Variants in TUBGCP3 observed in about 807,000 individuals in gnomAD.
TUBGCP3 encodes the protein gamma-tubulin complex component 3.
A neutral mutation model predicts 123.1 loss-of-function variants in TUBGCP3; 50 were observed. The observed-to-expected ratio is 0.41, with a 90% CI of 0.32 to 0.51. The LOEUF (loss-of-function observed/expected upper bound fraction) is 0.51, where lower values mean the gene tolerates loss of function less well. Ranked by LOEUF, TUBGCP3 falls within the 20% of genes least tolerant of loss-of-function variation. The pLI, the probability that TUBGCP3 is intolerant of heterozygous loss-of-function variation, is 0.36. For synonymous variants in TUBGCP3, 405 were observed against 413.9 expected (o/e 0.98, Z 0.26); for missense variants, 882 against 1,127.0 (o/e 0.78, Z 3.11).
intron 1 of TUBGCP3, among the ~76,000 whole-genome samples, chr13:112,584,539 T>C (rs983904565): frequency 6.6e-5 from 10 of 152,324 alleles, no homozygotes; most frequent in African/African-American, 1.9e-4. Context: ...ATGAAACCAA[T>C]AGCAACACCA....
At chr13:112,538,331 C>T (rs1173390803) in intron 11 of TUBGCP3, among the ~76,000 whole-genome samples, 1 of 152,162 alleles carries the variant, frequency 6.6e-6, no homozygotes, top group Admixed American at 6.5e-5. Context: ...ACTTCCGGTC[C>T]CAAGCATTTT....
intron 10 of TUBGCP3, 167 bp downstream of exon 10, chr13:112,547,453 C>T: frequency 8.5e-7 from 1 of 1,182,054 alleles, no homozygotes; most frequent in Non-Finnish European, 1.1e-6. Context: ...CAAAAGCAAG[C>T]CTGGATGGCG....
intron 16 of TUBGCP3, among the ~76,000 whole-genome samples, chr13:112,517,520 T>C (rs1285958595): frequency 6.6e-6 from 1 of 152,244 alleles, no homozygotes; most frequent in African/African-American, 2.4e-5. Context: ...ATCTGTACTA[T>C]GGTATCTTTT....
chr13:112,519,863 C>A lies in TUBGCP3; in HGVS notation c.1881+23G>T. ...GGGTCCTCGGTGCCGGGGCGGCGTTCCCAACACGCAGAGCCGCAGTACCTC... is the reference window on the plus strand; with the variant it reads ...GGGTCCTCGGTGCCGGGGCGGCGTTACCAACACGCAGAGCCGCAGTACCTC... On this transcript the variant is annotated intron_variant, in intron 15 of 21. Transcript: ENST00000261965. The surrounding 1 kb of genome is among the most constrained non-coding windows in gnomAD (Gnocchi z 6.2). The A allele has an allele frequency of 6.2e-7, 1 of 1,606,600 alleles. No individual in the cohort carries two copies. The highest frequency in any genetic ancestry group is 1.1e-5 in the South Asian group (1 of 90,450).
intron 1 of TUBGCP3, among the ~76,000 whole-genome samples, chr13:112,572,335 G>A (rs766938174): frequency 3.9e-5 from 6 of 152,162 alleles, no homozygotes; most frequent in Non-Finnish European, 7.3e-5. Context: ...ACAGGTACAC[G>A]TGTGGCAGGT....
At chr13:112,499,450 G>A (rs987756723) in intron 19 of TUBGCP3, among the ~76,000 whole-genome samples, 3 of 152,140 alleles carry the variant, frequency 2.0e-5, no homozygotes, top group African/African-American at 4.8e-5. Context: ...TCCCACGGCG[G>A]GCCAGGAGCT....
At chr13:112,573,841 G>A (rs1376290616) in intron 1 of TUBGCP3, among the ~76,000 whole-genome samples, 2 of 152,122 alleles carry the variant, frequency 1.3e-5, no homozygotes, top group Non-Finnish European at 2.9e-5. Flanking sequence ...AGTTCAACCC[G>A]GGATGCAGAG....
intron 11 of TUBGCP3, among the ~76,000 whole-genome samples, chr13:112,533,936 A>C (rs1877809952): frequency 6.6e-6 from 1 of 151,706 alleles, no homozygotes; most frequent in Non-Finnish European, 1.5e-5. Context: ...CACTGCACCC[A>C]ATTTGTAGTC....
intron 1 of TUBGCP3, among the ~76,000 whole-genome samples, chr13:112,576,743 T>C (rs992320053): frequency 6.6e-6 from 1 of 151,946 alleles, no homozygotes; most frequent in Non-Finnish European, 1.5e-5. Context: ...TATCAAAATA[T>C]GTGAGATGTG....
At chr13:112,500,181 C>CG (rs1187693690) in intron 19 of TUBGCP3, among the ~76,000 whole-genome samples, 3 of 152,208 alleles carry the variant, frequency 2.0e-5, no homozygotes, top group Admixed American at 1.3e-4. Context: ...GAGGGCTGAG[C>CG]GGGGGTTAAT....
intron 20 of TUBGCP3, 54 bp from the exon 21 acceptor site, chr13:112,489,751 C>T: frequency 6.9e-7 from 1 of 1,459,542 alleles, no homozygotes; most frequent in Non-Finnish European, 9.6e-7. Context: ...AAACAGATTA[C>T]AGAGTAGGGC....
rs988238024 is a variant in TUBGCP3, at chr13:112,545,217, A to G, written c.1335+482T>C. 3.2e-5 allele frequency: 5 copies of G among 156,156 alleles called. No individual in the cohort carries two copies. Among genetic ancestry groups the G allele is most frequent in the African/African-American group, 1.2e-4 (5 of 41,552 alleles). The allele number at this position is 156,156 out of a possible 1,614,324, so 9.7% of individuals were successfully genotyped here. A position where few individuals can be genotyped will look rare whatever the true frequency, so the allele number is the denominator to read the frequency against. Reference sequence around the variant, plus strand: ...CCTACCTTCCACCAAAAGCCCTATCATTTCTATCATGTGATTTACACAACA... The same window carrying G: ...CCTACCTTCCACCAAAAGCCCTATCGTTTCTATCATGTGATTTACACAACA... On this transcript the variant is annotated intron_variant, in intron 11 of 21. Coordinates refer to ENST00000261965, the MANE Select transcript of TUBGCP3 (RefSeq NM_006322.6). The surrounding 1 kb of genome is among the most constrained non-coding windows in gnomAD (Gnocchi z 4.1).
At chr13:112,506,849 C>T (rs561535741) in intron 17 of TUBGCP3, among the ~76,000 whole-genome samples, 2 of 152,290 alleles carry the variant, frequency 1.3e-5, no homozygotes, top group South Asian at 2.1e-4. Flanking sequence ...GTTATGGTTT[C>T]GGTGAGATTC....
chr13:112,521,732 G>A, intron 14 of TUBGCP3: 1 of 985,402 alleles, frequency 1.0e-6, no homozygotes, highest in Non-Finnish European at 1.2e-6. Flanking sequence ...AAAATCTCCA[G>A]GCCCAGGCTG....
chr13:112,583,222 C>A (rs921069096), intron 1 of TUBGCP3, among the ~76,000 whole-genome samples: 2 of 152,148 alleles, frequency 1.3e-5, no homozygotes, highest in Non-Finnish European at 2.9e-5. Context: ...GTTAGCTATT[C>A]GTATTGTTAT....
intron 11 of TUBGCP3, among the ~76,000 whole-genome samples, chr13:112,533,371 T>G (rs771669823): frequency 6.6e-6 from 1 of 152,190 alleles, no homozygotes; most frequent in Admixed American, 6.5e-5. Context: ...GCCCAGCCCA[T>G]GCATCTCTCA....
chr13:112,498,798 G>A, intron 20 of TUBGCP3: 1 of 1,551,124 alleles, frequency 6.4e-7, no homozygotes, highest in Non-Finnish European at 8.7e-7. Context: ...ACGGGCAGGA[G>A]ATTTGTAATT....
chr13:112,583,391 T>C (rs767413897), intron 1 of TUBGCP3, among the ~76,000 whole-genome samples: 10 of 152,126 alleles, frequency 6.6e-5, no homozygotes, highest in African/African-American at 1.7e-4. Context: ...TTCGATGAGA[T>C]TGGTTTTCTA....
At chr13:112,503,638 G>A (rs1166390976) in intron 19 of TUBGCP3, among the ~76,000 whole-genome samples, 2 of 152,148 alleles carry the variant, frequency 1.3e-5, no homozygotes, top group Admixed American at 6.5e-5. Flanking sequence ...AAAGTGCTGG[G>A]ATTACAAGCA....
Sources: gnomAD v4.1 joint callset for allele counts (sites outside exome capture counted in the v4.1 genomes callset) on GRCh38, gnomAD v4.1.1 for gene constraint, Gnocchi (gnomAD v3.1) non-coding constraint, MANE v1.5 for transcripts, NCBI Gene and HGNC (gene_info 2026-07-23, HGNC 2026-07-21) for gene names.